The following SLC22A2 variants were observed in gnomAD, a reference collection of about 807,000 sequenced individuals.
SLC22A2 encodes solute carrier family 22 member 2.
In SLC22A2, 46 loss-of-function variants were observed where a neutral mutation model predicts 60.5. The ratio of observed to expected loss-of-function variants is 0.76; its 90% CI spans 0.60 to 0.97. SLC22A2 has a LOEUF of 0.97. Among genes scored for constraint, SLC22A2 ranks in the 50% least tolerant of loss-of-function variants. The pLI is 0.00. For synonymous variants in SLC22A2, 303 were observed against 267.0 expected (o/e 1.13, Z -1.31); for missense variants, 701 against 706.6 (o/e 0.99, Z 0.09).
chr6:160,258,617 A>G lies in SLC22A2; in HGVS notation c.141T>C (p.Pro47=). The change falls in exon 1 of 11, where the codon CCT becomes CCC. Residue 47 remains proline (P), a synonymous_variant. Transcript: ENST00000366953. ...CTCCGGGGCTCCGGCAGCGGTGGTC[A>G]GGGGTGAAGCCCAGGAAGACGATGC... The part of the protein sequence containing the change: ...YVGIVFLGFT[P]DHRCRSPGVA... 1 of 1,613,918 alleles carries G rather than the reference A, an allele frequency of 6.2e-7. No homozygotes were observed. Among genetic ancestry groups the G allele is most frequent in the South Asian group, 1.1e-5 (1 of 91,074 alleles).
intron 9 of SLC22A2, among the ~76,000 whole-genome samples, chr6:160,236,869 A>G (rs535877133): frequency 2.6e-5 from 4 of 152,326 alleles, no homozygotes; most frequent in Admixed American, 6.5e-5. Context: ...GGCTTTGAAA[A>G]AAAAAGTCTT....
At chr6:160,231,893 G>C (rs142119942) in intron 9 of SLC22A2, among the ~76,000 whole-genome samples, 1 of 151,750 alleles carries the variant, frequency 6.6e-6, no homozygotes, top group Non-Finnish European at 1.5e-5. Context: ...CTGTGTGGTC[G>C]GAATTCTTAT....
intron 9 of SLC22A2, among the ~76,000 whole-genome samples, chr6:160,231,405 T>C (rs1035276170): frequency 1.3e-5 from 2 of 151,732 alleles, no homozygotes; most frequent in African/African-American, 4.9e-5. Flanking sequence ...GGAATACCTC[T>C]ACTCCCTCCC....
chr6:160,217,615 T>A, intron 10 of SLC22A2, 117 bp from the exon 11 acceptor site: 1 of 644,480 alleles, frequency 1.6e-6, no homozygotes, highest in Non-Finnish European at 2.8e-6. Context: ...TTGTTCAGGA[T>A]TAGTCTTGCA....
chr6:160,245,073 A>G (rs1583398358), intron 6 of SLC22A2: 1 of 156,960 alleles, frequency 6.4e-6, no homozygotes, highest in South Asian at 2.0e-4. Flanking sequence ...TTATACCAAT[A>G]GTTCTCTAGT....
chr6:160,240,426 T>C (rs315989), intron 9 of SLC22A2, among the ~76,000 whole-genome samples: 105,964 of 152,108 alleles, frequency 0.7, 38,755 homozygotes, highest in Admixed American at 0.82. Flanking sequence ...ATTATCAGTG[T>C]GGAATCAGCA....
rs1782846481 is a variant in SLC22A2 at position 160,232,817 on chromosome 6, C to A, written c.1502-8013G>T. On this transcript the variant is annotated intron_variant, in intron 9 of 10. Coordinates refer to ENST00000366953, the MANE Select transcript of SLC22A2 (RefSeq NM_003058.4). Reference sequence around the variant, plus strand: ...ATCCCTCACGGCAGTTTTTCTCCTTCTCATCTGACCACTCCCACCTACTCC... The same window carrying A: ...ATCCCTCACGGCAGTTTTTCTCCTTATCATCTGACCACTCCCACCTACTCC... Among the ~76,000 whole-genome samples, 3 of 152,012 alleles carry A rather than the reference C, an allele frequency of 2.0e-5. 1 individual carries two copies. In the South Asian group the frequency reaches 6.2e-4, roughly 32 times the overall value.
chr6:160,221,610 G>C (rs533010582), intron 10 of SLC22A2, among the ~76,000 whole-genome samples: 1 of 152,108 alleles, frequency 6.6e-6, no homozygotes, highest in Non-Finnish European at 1.5e-5. Context: ...GACTTGCAAC[G>C]CTTCCTTTCA....
Position 160,243,694 on chromosome 6 carries a change from A to G in SLC22A2, c.1157T>C (p.Val386Ala), listed in dbSNP as rs779624954. ...GATCATGAAGGCAGCTGGGAATTCAACCAGGGCAGAGTAGAAGAAATCCAG... is the reference window on the plus strand; with the variant it reads ...GATCATGAAGGCAGCTGGGAATTCAGCCAGGGCAGAGTAGAAGAAATCCAG... ...IYLDFFYSAL[V>A]EFPAAFMIIL... Residue 386 changes from valine to alanine, a missense_variant, in exon 7 of 11, where the codon GTT becomes GCT. Coordinates refer to ENST00000366953, the MANE Select transcript of SLC22A2 (RefSeq NM_003058.4). The G allele has an allele frequency of 1.2e-6, 2 of 1,613,890 alleles. No individual in the cohort carries two copies. Among genetic ancestry groups the G allele is most frequent in the African/African-American group, 2.7e-5 (2 of 74,900 alleles).
chr6:160,257,359 C>T (rs547413889), intron 1 of SLC22A2, among the ~76,000 whole-genome samples: 7 of 152,164 alleles, frequency 4.6e-5, no homozygotes, highest in African/African-American at 9.6e-5. Flanking sequence ...AGGAGGTGGT[C>T]GGGTGGAGCA....
chr6:160,223,550 G>A (rs537075087), intron 10 of SLC22A2, among the ~76,000 whole-genome samples: 1 of 152,148 alleles, frequency 6.6e-6, no homozygotes, highest in East Asian at 1.9e-4. Flanking sequence ...TTTACAGAAT[G>A]GCATATCATT....
At chr6:160,224,864 G>T in intron 9 of SLC22A2, 60 bp from the exon 10 acceptor site, 4 of 987,524 alleles carry the variant, frequency 4.1e-6, no homozygotes, top group East Asian at 2.7e-5. Flanking sequence ...TCTATAATTA[G>T]AGTTTCCCTT....
chr6:160,251,051 A>G (rs562552711), intron 2 of SLC22A2, among the ~76,000 whole-genome samples: 1 of 152,350 alleles, frequency 6.6e-6, no homozygotes, highest in African/African-American at 2.4e-5. Flanking sequence ...TTACATCACC[A>G]TGTGAGCTGC....
chr6:160,231,154 C>T (rs1782817947), intron 9 of SLC22A2, among the ~76,000 whole-genome samples: 1 of 151,898 alleles, frequency 6.6e-6, no homozygotes. Flanking sequence ...GATGGCCCAG[C>T]TTCAAAACCC....
intron 9 of SLC22A2, among the ~76,000 whole-genome samples, chr6:160,238,465 T>C (rs1782948058): frequency 6.6e-6 from 1 of 152,192 alleles, no homozygotes; most frequent in Non-Finnish European, 1.5e-5. Context: ...AAATTACCAT[T>C]CGTTTGGCAT....
At chr6:160,238,322 CCT>C (rs1437128982) in intron 9 of SLC22A2, among the ~76,000 whole-genome samples, 2 of 152,186 alleles carry the variant, frequency 1.3e-5, no homozygotes, top group African/African-American at 4.8e-5. Context: ...AAATAATTAA[CCT>C]CTCAAAATGT....
intron 3 of SLC22A2, 71 bp downstream of exon 3, chr6:160,250,477 G>C: frequency 6.8e-7 from 1 of 1,466,592 alleles, no homozygotes; most frequent in Non-Finnish European, 9.6e-7. Context: ...CTTGCATGCC[G>C]CCCCCCACCT....
In SLC22A2 at chr6:160,249,322, T is replaced by A. The variant is rs554909529; in HGVS notation, c.736A>T (p.Thr246Ser). The change falls in exon 4 of 11, where the codon ACA becomes TCA. Residue 246 changes from threonine to serine, a missense_variant. Coordinates refer to ENST00000366953, the MANE Select transcript of SLC22A2 (RefSeq NM_003058.4). Reference protein sequence around the residue: ...TVGIFYQVAYTVGLLVLAGVA... With the variant: ...TVGIFYQVAYSVGLLVLAGVA... ...CCAGCTAGCACCAGGAGCCCAACTG[T>A]ATAGGCAACTTGGTAAAAAATCCCC... 1 of 1,613,502 alleles carries A rather than the reference T, an allele frequency of 6.2e-7. No individual in the cohort carries two copies. Among genetic ancestry groups the A allele is most frequent in the African/African-American group, 1.3e-5 (1 of 75,040 alleles).
At chr6:160,223,321 C>T (rs935562354) in intron 10 of SLC22A2, among the ~76,000 whole-genome samples, 4 of 152,134 alleles carry the variant, frequency 2.6e-5, no homozygotes, top group Non-Finnish European at 4.4e-5. Flanking sequence ...CTACCTGTAT[C>T]TCACAGTCAC....
Sources: allele counts gnomAD v4.1 joint callset (sites outside exome capture counted in the v4.1 genomes callset), GRCh38; gene constraint gnomAD v4.1.1; transcripts MANE v1.5; gene names NCBI Gene and HGNC (gene_info 2026-07-23, HGNC 2026-07-21).